Variants in CLIC2 observed in about 807,000 individuals in gnomAD.
CLIC2 encodes the protein chloride intracellular channel protein 2.
In CLIC2, 9 loss-of-function variants were observed where a neutral mutation model predicts 14.8. That is an observed-to-expected ratio of 0.61 (90% CI 0.37 to 1.06). The LOEUF (loss-of-function observed/expected upper bound fraction) is 1.06, where lower values mean the gene tolerates loss of function less well. Among genes scored for constraint, CLIC2 ranks in the 50% least tolerant of loss-of-function variants. The pLI is 0.01. For synonymous variants in CLIC2, 61 were observed against 66.3 expected, an observed-to-expected ratio of 0.92 and a Z score of 0.39; for missense variants, 148 against 181.4, an observed-to-expected ratio of 0.82 and a Z score of 1.06.
intron 1 of CLIC2, among the ~76,000 whole-genome samples, chrX:155,317,100 C>T (rs186450646): frequency 6.3e-5 from 7 of 111,463 alleles, no homozygotes; most frequent in Non-Finnish European, 1.1e-4. Context: ...TAAATGCCTA[C>T]ATCAAAAAGT....
chrX:155,285,290 GGTT>G (rs1284035091), intron 3 of CLIC2, among the ~76,000 whole-genome samples: 2 of 111,898 alleles, frequency 1.8e-5, no homozygotes, highest in African/African-American at 3.3e-5. Flanking sequence ...ATGAACCAGT[GGTT>G]GTTGTGTGTT....
intron 1 of CLIC2, among the ~76,000 whole-genome samples, chrX:155,325,213 A>T (rs1240087780): frequency 8.9e-6 from 1 of 111,880 alleles, no homozygotes; most frequent in African/African-American, 3.3e-5. Flanking sequence ...TTCCTCAAGG[A>T]TCTAGAATCA....
chrX:155,278,754 G>A lies in CLIC2; in HGVS notation c.582+395C>T, dbSNP rs782525171. 7 of 136,484 alleles carry A rather than the reference G, an allele frequency of 5.1e-5. No homozygotes were observed. The South Asian group carries it at 1.2e-3, about 24-fold the overall frequency. The allele number at this position is 136,484 out of a possible 1,213,427, so 11.2% of individuals were successfully genotyped here. On this transcript the variant is annotated intron_variant, in intron 5 of 5. Transcript: ENST00000369449. ...GTTCAAGACGAGCCTGTGCAACATG[G>A]TGAAACCCTGTCTCTACAAAAAGTA... is the stretch of plus-strand genomic sequence containing the variant.
intron 2 of CLIC2, 52 bp from the exon 3 acceptor site, chrX:155,298,962 A>C: frequency 8.5e-7 from 1 of 1,174,239 alleles, no homozygotes; most frequent in Non-Finnish European, 1.2e-6. Context: ...AGTACACATT[A>C]AATAAACACC....
chrX:155,303,515 G>T (rs1231838105), intron 1 of CLIC2, among the ~76,000 whole-genome samples: 134 of 78,804 alleles, frequency 1.7e-3, no homozygotes, highest in African/African-American at 2.0e-3. Context: ...GCACACTGAT[G>T]GGTCTTGACT....
At chrX:155,333,847 T>C (rs1477589954) in intron 1 of CLIC2, among the ~76,000 whole-genome samples, 1 of 110,312 alleles carries the variant, frequency 9.1e-6, no homozygotes, top group Non-Finnish European at 1.9e-5. Flanking sequence ...CCAGTGTCCA[T>C]GTGACCCTGC....
At chrX:155,288,299 C>T (rs370077265) in intron 3 of CLIC2, among the ~76,000 whole-genome samples, 1 of 111,800 alleles carries the variant, frequency 8.9e-6, no homozygotes, top group Non-Finnish European at 1.9e-5. Context: ...GATAATGCCA[C>T]CTAAAACATA....
intron 1 of CLIC2, among the ~76,000 whole-genome samples, chrX:155,309,840 T>C (rs1352496357): frequency 1.8e-5 from 2 of 111,529 alleles, no homozygotes; most frequent in Non-Finnish European, 3.8e-5. Context: ...AGCCAAACCA[T>C]ATCATTCTGC....
intron 1 of CLIC2, among the ~76,000 whole-genome samples, chrX:155,306,782 A>G (rs2075057247): frequency 9.0e-6 from 1 of 110,528 alleles, no homozygotes; most frequent in Non-Finnish European, 1.9e-5. Flanking sequence ...TACAACAACC[A>G]GATCTCATGA....
chrX:155,280,186 C>G (rs1557316284), intron 3 of CLIC2, 118 bp from the exon 4 acceptor site: 1 of 508,606 alleles, frequency 2.0e-6, no homozygotes, highest in Non-Finnish European at 3.5e-6. Context: ...AACTAAACAC[C>G]CTTAGAAGTC....
At chrX:155,294,737 A>G (rs782307656) in intron 3 of CLIC2, among the ~76,000 whole-genome samples, 2 of 112,227 alleles carry the variant, frequency 1.8e-5, no homozygotes, top group South Asian at 7.3e-4. Context: ...ACCAGAGACC[A>G]TTATGTACAA....
chrX:155,296,519 A>G (rs901247533), intron 3 of CLIC2, among the ~76,000 whole-genome samples: 12 of 112,247 alleles, frequency 1.1e-4, no homozygotes, highest in African/African-American at 3.9e-4. Context: ...ATAGGACTCA[A>G]GTAAACTAAA....
intron 1 of CLIC2, among the ~76,000 whole-genome samples, chrX:155,304,111 A>C (rs1425116265): frequency 2.8e-5 from 3 of 106,858 alleles, no homozygotes; most frequent in African/African-American, 1.0e-4. Context: ...GTATTTCCTG[A>C]ATCTGAACGT....
At chrX:155,287,840 G>GT (rs1474757012) in intron 3 of CLIC2, among the ~76,000 whole-genome samples, 13 of 112,129 alleles carry the variant, frequency 1.2e-4, no homozygotes, top group Non-Finnish European at 2.4e-4. Flanking sequence ...GCTTTGGGCA[G>GT]TATGGTCATT....
At chrX:155,320,493 T>C (rs2075110485) in intron 1 of CLIC2, among the ~76,000 whole-genome samples, 1 of 111,462 alleles carries the variant, frequency 9.0e-6, no homozygotes, top group Non-Finnish European at 1.9e-5. Flanking sequence ...AAAACTAAGA[T>C]ACAGAAAGGA....
At position 155,291,142 on chromosome X, in the gene CLIC2, G is replaced by T. The variant is rs1442694342; in HGVS notation, c.293+7643C>A. ...GCAATGAATATCCATTCATATCCCTGGGCATTCTGAGAATCTAACCTGAAT... is the reference window on the plus strand; with the variant it reads ...GCAATGAATATCCATTCATATCCCTTGGCATTCTGAGAATCTAACCTGAAT... On this transcript the variant is annotated intron_variant, in intron 3 of 5. Coordinates refer to ENST00000369449, the MANE Select transcript of CLIC2 (RefSeq NM_001289.6). 6.9e-6 allele frequency: 7 copies of T among 1,011,633 alleles called. No individual in the cohort carries two copies. The Admixed American group carries it at 1.6e-4, about 23-fold the overall frequency. 83.4% of individuals were successfully genotyped at this position (1,011,633 alleles called of 1,213,427 possible).
At chrX:155,322,347 GACAA>G (rs1185597088) in intron 1 of CLIC2, among the ~76,000 whole-genome samples, 5 of 111,543 alleles carry the variant, frequency 4.5e-5, no homozygotes, top group Non-Finnish European at 7.5e-5. Context: ...TGGAAATCAT[GACAA>G]ACAGTCTCTC....
At position 155,305,150 on chromosome X, in the gene CLIC2, T is replaced by C. The variant is rs1417823974; in HGVS notation, c.58-6005A>G. Reference sequence around the variant, plus strand: ...GCTGCTTTGTTTACCTAATCAAGCCTGGGCAATGGCGGGCGCCCCTCCCCC... The same window carrying C: ...GCTGCTTTGTTTACCTAATCAAGCCCGGGCAATGGCGGGCGCCCCTCCCCC... On this transcript the variant is annotated intron_variant, in intron 1 of 5. Transcript: ENST00000369449. 1.2e-3 allele frequency among the ~76,000 whole-genome samples: 134 copies of C among 112,497 alleles called. 1 individual carries two copies. The highest frequency in any genetic ancestry group is 4.6e-3 in the Middle Eastern group (1 of 216).
intron 3 of CLIC2, among the ~76,000 whole-genome samples, chrX:155,281,986 G>T (rs782255072): frequency 1.8e-5 from 2 of 110,590 alleles, no homozygotes; most frequent in Non-Finnish European, 3.8e-5. Flanking sequence ...TCATCTTACC[G>T]AGTCACAGCC....
Sources: allele counts gnomAD v4.1 joint callset (sites outside exome capture counted in the v4.1 genomes callset), GRCh38; gene constraint gnomAD v4.1.1; transcripts MANE v1.5; gene names NCBI Gene and HGNC (gene_info 2026-07-23, HGNC 2026-07-21).